DGKH: variants seen among roughly 807,000 people sequenced by gnomAD.
The protein encoded by DGKH is DAG kinase eta.
Under a neutral mutation model 159.3 loss-of-function variants are expected in DGKH, and 90 were observed. The ratio of observed to expected loss-of-function variants is 0.57; its 90% CI spans 0.48 to 0.67. The LOEUF (loss-of-function observed/expected upper bound fraction) is 0.67. Among genes scored for constraint, DGKH ranks in the 30% least tolerant of loss-of-function variants. DGKH has a pLI of 0.00. For synonymous variants in DGKH, 536 were observed against 553.8 expected (o/e 0.97, Z 0.45); for missense variants, 1,181 against 1,506.1 (o/e 0.78, Z 3.57).
In DGKH at chr13:42,231,272, T is replaced by G. The variant is rs2138293590; in HGVS notation, c.*2084T>G. ...GGGAGGCTGAGGCAGGAGAATTGCT[T>G]GAACCCAGGAGATGGAGGTTGCAGT... is the stretch of plus-strand genomic sequence containing the variant. On this transcript the variant is annotated 3_prime_UTR_variant, in exon 30 of 30. Coordinates refer to ENST00000337343, the MANE Select transcript of DGKH (RefSeq NM_178009.5). 1.1e-5 allele frequency: 1 copy of G among 89,502 alleles called. No individual in the cohort carries two copies. Among genetic ancestry groups the G allele is most frequent in the East Asian group, 3.3e-4 (1 of 3,044 alleles). 5.5% of individuals were successfully genotyped at this position (89,502 alleles called of 1,614,324 possible).
At chr13:42,155,169 T>G in intron 3 of DGKH, 122 bp from the exon 4 acceptor site, 1 of 774,150 alleles carries the variant, frequency 1.3e-6, no homozygotes, top group Non-Finnish European at 2.1e-6. Context: ...ATCATACAGA[T>G]TACAAAAACG....
chr13:42,070,070 T>TA, intron 1 of DGKH: 1 of 960,538 alleles, frequency 1.0e-6, no homozygotes, highest in East Asian at 2.4e-5. Context: ...ATAAGCAAAA[T>TA]ATTATGAGCT....
intron 30 of DGKH, among the ~76,000 whole-genome samples, chr13:42,253,673 C>T (rs17521167): frequency 0.038 from 5,734 of 152,226 alleles, 133 homozygotes; most frequent in Admixed American, 0.065. Flanking sequence ...ATAAAAATAA[C>T]GCTTGAATTT....
chr13:42,170,127 A>G (rs1334900308), intron 11 of DGKH, among the ~76,000 whole-genome samples: 7 of 152,236 alleles, frequency 4.6e-5, no homozygotes, highest in Non-Finnish European at 1.5e-5. Context: ...CAACTGTCCA[A>G]TTCTGTGGTT....
At chr13:42,194,241 G>A (rs897637428) in intron 16 of DGKH, among the ~76,000 whole-genome samples, 9 of 152,118 alleles carry the variant, frequency 5.9e-5, no homozygotes, top group Non-Finnish European at 1.5e-5. Context: ...CTGGGCTCAC[G>A]TGATCCTCCA....
intron 3 of DGKH, among the ~76,000 whole-genome samples, chr13:42,151,617 C>CCCA (rs1955906586): frequency 7.3e-6 from 1 of 136,676 alleles, no homozygotes; most frequent in Non-Finnish European, 1.6e-5. Flanking sequence ...ACACACACCC[C>CCCA]ATGGAAAACT....
In DGKH at chr13:42,234,482, T is replaced by C. The variant is rs951118925; in HGVS notation, c.*5294T>C. On this transcript the variant is annotated 3_prime_UTR_variant, in exon 30 of 30. Coordinates refer to ENST00000337343, the MANE Select transcript of DGKH (RefSeq NM_178009.5). ...AAGGATGTAGCCCTTAATTAAGCTG[T>C]AAAAACAATGCATCTCTCAACCTTG... is the stretch of plus-strand genomic sequence containing the variant. 1.3e-5 allele frequency: 2 copies of C among 152,210 alleles called. No individual in the cohort carries two copies. The highest frequency in any genetic ancestry group is 4.8e-5 in the African/African-American group (2 of 41,436). The allele number at this position is 152,210 out of a possible 1,614,324, so 9.4% of individuals were successfully genotyped here.
chr13:42,165,225 A>G (rs540175738), intron 7 of DGKH, 106 bp from the exon 8 acceptor site: 1 of 531,718 alleles, frequency 1.9e-6, no homozygotes, highest in African/African-American at 2.0e-5. Flanking sequence ...GAATTACTGA[A>G]CATTTTGTGG....
At chr13:42,220,755 G>A (rs567607658) in intron 28 of DGKH, among the ~76,000 whole-genome samples, 40 of 152,250 alleles carry the variant, frequency 2.6e-4, no homozygotes, top group Admixed American at 6.5e-4. Context: ...ATTGATTGCC[G>A]TTATTATCAG....
chr13:42,094,582 C>T (rs1954485170), intron 1 of DGKH, among the ~76,000 whole-genome samples: 1 of 151,996 alleles, frequency 6.6e-6, no homozygotes, highest in African/African-American at 2.4e-5. Flanking sequence ...TCTCACAGGC[C>T]TAGGTCTGTG....
intron 29 of DGKH, 131 bp downstream of exon 29, chr13:42,221,525 G>T (rs886414340): frequency 1.4e-5 from 17 of 1,174,664 alleles, no homozygotes; most frequent in Non-Finnish European, 1.9e-5. Flanking sequence ...AACATTCACT[G>T]TCCTGTGGTC....
In DGKH at chr13:42,254,734, T is replaced by C. The variant is rs535948829; in HGVS notation, n.4128-1550T>C. Among the ~76,000 whole-genome samples the C allele has an allele frequency of 4.6e-5, 7 of 152,294 alleles. No individual in the cohort carries two copies. In the East Asian group the frequency reaches 1.2e-3, roughly 25 times the overall value. Reference sequence around the variant, plus strand: ...TAAACTAAATTGAAGGCAGTATATATGCTTTATAATCCTATTTTGAATTAT... The same window carrying C: ...TAAACTAAATTGAAGGCAGTATATACGCTTTATAATCCTATTTTGAATTAT... On this transcript the variant is annotated intron_variant and non_coding_transcript_variant, in intron 30 of 30. Transcript: ENST00000498255.
At chr13:42,188,490 G>A (rs1281789545) in intron 14 of DGKH, among the ~76,000 whole-genome samples, 1 of 152,086 alleles carries the variant, frequency 6.6e-6, no homozygotes, top group African/African-American at 2.4e-5. Flanking sequence ...GCTTTGAAGG[G>A]GAGTTTGCCA....
At chr13:42,144,130 G>A (rs1331637335) in intron 3 of DGKH, among the ~76,000 whole-genome samples, 1 of 152,126 alleles carries the variant, frequency 6.6e-6, no homozygotes, top group East Asian at 1.9e-4. Context: ...TTCTATCCTG[G>A]CTAGCATGAT....
At chr13:42,059,176 A>G (rs1881964663) in intron 1 of DGKH, among the ~76,000 whole-genome samples, 2 of 151,988 alleles carry the variant, frequency 1.3e-5, no homozygotes, top group Non-Finnish European at 2.9e-5. Context: ...AATTACTCCT[A>G]TGTGTGTCTT....
intron 1 of DGKH, among the ~76,000 whole-genome samples, chr13:42,101,205 C>T (rs1954645846): frequency 1.3e-5 from 2 of 152,190 alleles, no homozygotes; most frequent in African/African-American, 4.8e-5. Flanking sequence ...ATTTCCCCAG[C>T]CCAGACTGGC....
chr13:42,100,919 A>G (rs1954640249), intron 1 of DGKH, among the ~76,000 whole-genome samples: 1 of 152,252 alleles, frequency 6.6e-6, no homozygotes, highest in Admixed American at 6.5e-5. Context: ...TACTAGTTAC[A>G]GTTCTGCCAC....
At chr13:42,087,120 C>T (rs1205817808) in intron 1 of DGKH, among the ~76,000 whole-genome samples, 1 of 149,762 alleles carries the variant, frequency 6.7e-6, no homozygotes, top group Non-Finnish European at 1.5e-5. Flanking sequence ...CCTTGAAGCT[C>T]ATACAGAACT....
At chr13:42,069,986 T>C in intron 1 of DGKH, 1 of 784,522 alleles carries the variant, frequency 1.3e-6, no homozygotes, top group African/African-American at 1.7e-5. Flanking sequence ...TTGTTATGTA[T>C]AGGCCAATCA....
Sources: allele counts gnomAD v4.1 joint callset (sites outside exome capture counted in the v4.1 genomes callset), GRCh38; gene constraint gnomAD v4.1.1; transcripts MANE v1.5; gene names NCBI Gene and HGNC (gene_info 2026-07-23, HGNC 2026-07-21).